The following RAP1GDS1 variants were observed in gnomAD, a reference collection of about 807,000 sequenced individuals.
The protein encoded by RAP1GDS1 is RAP1, GTP-GDP dissociation stimulator 1.
Under a neutral mutation model 71.1 loss-of-function variants are expected in RAP1GDS1, and 35 were observed. The ratio of observed to expected loss-of-function variants is 0.49; its 90% CI spans 0.38 to 0.65. The LOEUF (loss-of-function observed/expected upper bound fraction) is 0.65, where lower values mean the gene tolerates loss of function less well. Among genes scored for constraint, RAP1GDS1 ranks in the 30% least tolerant of loss-of-function variants. RAP1GDS1 has a pLI of 0.00. For synonymous variants in RAP1GDS1, 229 were observed against 243.1 expected (o/e 0.94, Z 0.54); for missense variants, 663 against 706.1 (o/e 0.94, Z 0.69).
chr4:98,304,051 G>C (rs1728958652), intron 2 of RAP1GDS1, among the ~76,000 whole-genome samples: 1 of 152,170 alleles, frequency 6.6e-6, no homozygotes, highest in South Asian at 2.1e-4. Flanking sequence ...TTTTATGGCT[G>C]CATAGTATTC....
chr4:98,412,967 G>T (rs866397499), intron 7 of RAP1GDS1, among the ~76,000 whole-genome samples: 65 of 152,126 alleles, frequency 4.3e-4, no homozygotes, highest in Middle Eastern at 3.4e-3. Flanking sequence ...ACTGATGAGG[G>T]TCTATGTTTG....
intron 2 of RAP1GDS1, among the ~76,000 whole-genome samples, chr4:98,300,138 A>G (rs1728360400): frequency 6.6e-6 from 1 of 152,150 alleles, no homozygotes; most frequent in Admixed American, 6.5e-5. Flanking sequence ...GTCAATCAGG[A>G]TGATAAACTT....
chr4:98,317,999 C>T (rs983814028), intron 2 of RAP1GDS1, among the ~76,000 whole-genome samples: 7 of 151,808 alleles, frequency 4.6e-5, no homozygotes, highest in African/African-American at 9.7e-5. Flanking sequence ...CACACCACCA[C>T]GCCCGGCTAA....
intron 6 of RAP1GDS1, among the ~76,000 whole-genome samples, chr4:98,398,228 A>G (rs994926812): frequency 6.4e-5 from 7 of 109,834 alleles, no homozygotes; most frequent in Non-Finnish European, 1.2e-4. Context: ...CGAGTAAAGG[A>G]AAAAAAAAAG....
chr4:98,437,035 T>A lies in RAP1GDS1; in HGVS notation c.1663T>A (p.Ser555Thr). 6.2e-7 allele frequency: 1 copy of A among 1,612,412 alleles called. No homozygotes were observed. The highest frequency in any genetic ancestry group is 1.1e-5 in the South Asian group (1 of 90,842). The part of the protein sequence containing the change: ...ERSAPEIKYN[S>T]MVLICALMGS... ...AAGTGCTCCTGAAATCAAATATAATTCCATGGTCCTGATATGTGCTCTTAT... is the reference window on the plus strand; with the variant it reads ...AAGTGCTCCTGAAATCAAATATAATACCATGGTCCTGATATGTGCTCTTAT... The change falls in exon 14 of 15, where the codon TCC (serine) becomes ACC (threonine). Residue 555 changes from serine to threonine, a missense_variant. Coordinates refer to ENST00000408927, the MANE Select transcript of RAP1GDS1 (RefSeq NM_001100427.2).
At chr4:98,417,196 A>G (rs184368414) in intron 8 of RAP1GDS1, among the ~76,000 whole-genome samples, 171 bp from the exon 9 acceptor site, 282 of 152,294 alleles carry the variant, frequency 1.9e-3, no homozygotes, top group African/African-American at 6.5e-3. Flanking sequence ...GCTAGACTCT[A>G]TTGTCTAGTA....
intron 4 of RAP1GDS1, among the ~76,000 whole-genome samples, chr4:98,356,450 G>A (rs151073658): frequency 6.6e-6 from 1 of 152,044 alleles, no homozygotes; most frequent in African/African-American, 2.4e-5. Flanking sequence ...GGATAAATTG[G>A]TGATTTGAGA....
At chr4:98,303,558 T>A (rs1728873805) in intron 2 of RAP1GDS1, among the ~76,000 whole-genome samples, 1 of 150,344 alleles carries the variant, frequency 6.7e-6, no homozygotes, top group African/African-American at 2.4e-5. Flanking sequence ...AAAGTGCTTA[T>A]AAGACTTGGG....
intron 1 of RAP1GDS1, among the ~76,000 whole-genome samples, chr4:98,282,693 T>G (rs960248198): frequency 1.3e-5 from 2 of 152,164 alleles, no homozygotes; most frequent in Non-Finnish European, 2.9e-5. Context: ...GCTTCTCTAG[T>G]TCTTTTAATT....
At chr4:98,354,281 C>A (rs1737640748) in intron 4 of RAP1GDS1, among the ~76,000 whole-genome samples, 1 of 151,858 alleles carries the variant, frequency 6.6e-6, no homozygotes, top group South Asian at 2.1e-4. Flanking sequence ...CCAGGATGGT[C>A]TCGATCTCCT....
chr4:98,411,009 AAACTT>A (rs1363576125), intron 7 of RAP1GDS1, among the ~76,000 whole-genome samples: 1 of 152,200 alleles, frequency 6.6e-6, no homozygotes, highest in Admixed American at 6.5e-5. Context: ...ATAATATATT[AAACTT>A]AACTTGGATA....
intron 5 of RAP1GDS1, among the ~76,000 whole-genome samples, chr4:98,384,428 G>A (rs528052712): frequency 6.6e-6 from 1 of 151,668 alleles, no homozygotes; most frequent in East Asian, 1.9e-4. Context: ...TTTCTAGTCA[G>A]TTTGCTGAAA....
chr4:98,348,482 A>G lies in RAP1GDS1; in HGVS notation c.236-3994A>G, dbSNP rs556715615. ...TTTATAATCCTTTGGGTATATACCC[A>G]GTAATGGGATTGCTGGGTCAAATGG... On this transcript the variant is annotated intron_variant, in intron 3 of 14. Transcript: ENST00000408927. Among the ~76,000 whole-genome samples the G allele has an allele frequency of 1.1e-4, 16 of 152,322 alleles. No homozygotes were observed. The East Asian group carries it at 2.5e-3, about 24-fold the overall frequency.
chr4:98,432,547 G>T (rs984712886), intron 12 of RAP1GDS1, among the ~76,000 whole-genome samples: 24 of 152,112 alleles, frequency 1.6e-4, no homozygotes, highest in African/African-American at 5.6e-4. Flanking sequence ...TTAGTTCTTG[G>T]ACTCTATTTA....
Position 98,317,843 on chromosome 4 carries a change from T to C in RAP1GDS1, c.112+24328T>C, listed in dbSNP as rs561382545. Among the ~76,000 whole-genome samples, 543 of 145,092 alleles carry C rather than the reference T, an allele frequency of 3.7e-3. 6 individuals are homozygous for C. The highest frequency in any genetic ancestry group is 0.014 in the African/African-American group (521 of 38,336). ...ATATATATATTTTTTTTTCTTTTCT[T>C]CTCTTTTTTTTTTTTTGAGACAGAA... is the stretch of plus-strand genomic sequence containing the variant. On this transcript the variant is annotated intron_variant, in intron 2 of 14. Coordinates refer to ENST00000408927, the MANE Select transcript of RAP1GDS1 (RefSeq NM_001100427.2).
intron 12 of RAP1GDS1, among the ~76,000 whole-genome samples, chr4:98,427,167 A>T (rs1749734721): frequency 6.6e-6 from 1 of 152,196 alleles, no homozygotes; most frequent in East Asian, 1.9e-4. Flanking sequence ...AAAGTCCAGC[A>T]TCTCTTTATA....
chr4:98,345,393 C>T (rs946692385), intron 3 of RAP1GDS1, among the ~76,000 whole-genome samples: 10 of 152,154 alleles, frequency 6.6e-5, no homozygotes, highest in African/African-American at 2.4e-4. Flanking sequence ...AAAATTAACA[C>T]ACCTTTGTGC....
At chr4:98,391,855 T>G (rs1211116214) in intron 5 of RAP1GDS1, 97 bp from the exon 6 acceptor site, 3 of 1,190,454 alleles carry the variant, frequency 2.5e-6, no homozygotes, top group Non-Finnish European at 3.4e-6. Flanking sequence ...AACTTTGAGT[T>G]TCCAATAGGG....
intron 4 of RAP1GDS1, among the ~76,000 whole-genome samples, chr4:98,352,892 G>T (rs1270162492): frequency 6.6e-6 from 1 of 152,154 alleles, no homozygotes; most frequent in African/African-American, 2.4e-5. Flanking sequence ...ATACATATGT[G>T]CATCTTCTCA....
Sources: gnomAD v4.1 joint callset for allele counts (sites outside exome capture counted in the v4.1 genomes callset) on GRCh38, gnomAD v4.1.1 for gene constraint, MANE v1.5 for transcripts, NCBI Gene and HGNC (gene_info 2026-07-23, HGNC 2026-07-21) for gene names.